The following SS18L1 variants were observed in gnomAD, a reference collection of about 807,000 sequenced individuals.
SS18L1 encodes the protein SS18L1 subunit of BAF chromatin remodeling complex, also known as calcium-responsive transactivator.
Under a neutral mutation model 70.3 loss-of-function variants are expected in SS18L1, and 32 were observed. The observed-to-expected ratio is 0.46, with a 90% CI of 0.34 to 0.61. The LOEUF (loss-of-function observed/expected upper bound fraction) is 0.61. Ranked by LOEUF, SS18L1 falls within the 20% of genes least tolerant of loss-of-function variation. The probability of loss-of-function intolerance (pLI) is 0.01; values close to 1 mark genes in which losing one functional copy is unlikely to be tolerated. For missense variants in SS18L1, 430 were observed against 542.1 expected, an observed-to-expected ratio of 0.79 and a Z score of 2.05; for synonymous variants, 237 against 229.7, an observed-to-expected ratio of 1.03 and a Z score of -0.29.
chr20:62,175,163 C>T (rs1244581694), intron 10 of SS18L1: 11 of 890,702 alleles, frequency 1.2e-5, no homozygotes, highest in African/African-American at 1.8e-5. Flanking sequence ...CTGGCAGCCC[C>T]AGGCTCAGCC....
chr20:62,178,141 C>CTTTTTTTT (rs61157167), intron 10 of SS18L1, among the ~76,000 whole-genome samples: 4 of 97,830 alleles, frequency 4.1e-5, no homozygotes, highest in Non-Finnish European at 5.9e-5. Flanking sequence ...GTGGCTTATT[C>CTTTTTTTT]TTTTTTTTTT....
At position 62,174,792 on chromosome 20, in the gene SS18L1, A is replaced by C; in HGVS notation, c.1164+148A>C. 6.5e-7 allele frequency: 1 copy of C among 1,546,216 alleles called. No homozygotes were observed. The highest frequency in any genetic ancestry group is 8.7e-7 in the Non-Finnish European group (1 of 1,145,276). ...AGAACGTTAAGTCTCTGAGCCTGTA[A>C]GGTTTTGCAGAATTGCCTCTGTGTA... On this transcript the variant is annotated intron_variant, in intron 10 of 10. Transcript: ENST00000331758. The surrounding 1 kb of genome is among the most constrained non-coding windows in gnomAD (Gnocchi z 4.1).
chr20:62,172,318 C>T (rs534931854), intron 8 of SS18L1, among the ~76,000 whole-genome samples: 30 of 147,614 alleles, frequency 2.0e-4, no homozygotes, highest in Admixed American at 1.4e-3. Context: ...CAGAGCGAGG[C>T]CCTGTCTCTG....
chr20:62,154,207 T>TACTGGAAGG (rs1324268910), intron 1 of SS18L1: 1 of 501,548 alleles, frequency 2.0e-6, no homozygotes, highest in Non-Finnish European at 2.6e-6. Context: ...CATTAAGGAT[T>TACTGGAAGG]ACTGGAAGGA....
chr20:62,156,312 C>T (rs959690693), intron 1 of SS18L1, among the ~76,000 whole-genome samples: 3 of 152,218 alleles, frequency 2.0e-5, no homozygotes, highest in African/African-American at 7.2e-5. Context: ...TGCAGTTCAT[C>T]TGAAGGCAGA....
At position 62,158,631 on chromosome 20, in the gene SS18L1, C is replaced by T; in HGVS notation, c.70-41C>T. The stretch of plus-strand genomic sequence containing the variant: ...GGCTGTTCATCCCGAGGGTCAGCGA[C>T]AGCCCCGCGTCGGCAGCGCCCGCTC... On this transcript the variant is annotated intron_variant, in intron 1 of 10. Transcript: ENST00000331758. The surrounding 1 kb of genome is among the most constrained non-coding windows in gnomAD (Gnocchi z 4.5). 6.2e-7 allele frequency: 1 copy of T among 1,604,862 alleles called. No individual in the cohort carries two copies. Among genetic ancestry groups the T allele is most frequent in the Non-Finnish European group, 8.5e-7 (1 of 1,177,536 alleles).
At chr20:62,155,871 C>T (rs975480767) in intron 1 of SS18L1, among the ~76,000 whole-genome samples, 2 of 152,058 alleles carry the variant, frequency 1.3e-5, no homozygotes, top group East Asian at 1.9e-4. Context: ...CCTCCCCATT[C>T]TGTCCTTAGA....
chr20:62,150,633 A>AATTTTTTTTTTTT lies in SS18L1; in HGVS notation c.69+6744_69+6745insATTTTTTTTTTTT, dbSNP rs1199902967. Among the ~76,000 whole-genome samples the AATTTTTTTTTTTT allele has an allele frequency of 1.2e-4, 7 of 58,054 alleles. 1 individual carries two copies. The highest frequency in any genetic ancestry group is 2.2e-4 in the Admixed American group (1 of 4,458). 38.1% of individuals were successfully genotyped at this position (58,054 alleles called of 152,430 possible). ...CGGAGCATAAGAAACATTGAGGTGGATTTTTTTTTTTTTTTTTTTTTTTTT... is the reference window on the plus strand; with the variant it reads ...CGGAGCATAAGAAACATTGAGGTGGAATTTTTTTTTTTTTTTTTTTTTTTTTTTTTTTTTTTTT... On this transcript the variant is annotated intron_variant, in intron 1 of 10. Coordinates refer to ENST00000331758, the MANE Select transcript of SS18L1 (RefSeq NM_198935.3).
At chr20:62,160,583 G>T (rs1325424138) in intron 3 of SS18L1, among the ~76,000 whole-genome samples, 1 of 152,188 alleles carries the variant, frequency 6.6e-6, no homozygotes, top group African/African-American at 2.4e-5. Flanking sequence ...TTTTTAAAAT[G>T]CATTTTTCCA....
intron 6 of SS18L1, 142 bp from the exon 7 acceptor site, chr20:62,164,003 G>A (rs1316408900): frequency 5.8e-6 from 4 of 695,552 alleles, no homozygotes; most frequent in African/African-American, 3.6e-5. Flanking sequence ...CAAAACATAA[G>A]TTGGATACGA....
At chr20:62,176,485 C>T (rs963182528) in intron 10 of SS18L1, among the ~76,000 whole-genome samples, 3 of 151,992 alleles carry the variant, frequency 2.0e-5, no homozygotes, top group Non-Finnish European at 4.4e-5. Flanking sequence ...TACACTCCAG[C>T]CTGGGCTACA....
chr20:62,174,777 GTC>G lies in SS18L1; in HGVS notation c.1164+137_1164+138del. 2 of 1,574,730 alleles carry G rather than the reference GTC, an allele frequency of 1.3e-6. No homozygotes were observed. Among genetic ancestry groups the G allele is most frequent in the Non-Finnish European group, 1.7e-6 (2 of 1,160,502 alleles). ...TCCAGGGTTCCTTCCAGAACGTTAA[GTC>G]TCTGAGCCTGTAAGGTTTTGCAGAA... On this transcript the variant is annotated intron_variant, in intron 10 of 10. Coordinates refer to ENST00000331758, the MANE Select transcript of SS18L1 (RefSeq NM_198935.3). This position sits in a 1 kb window ranked among gnomAD's most constrained non-coding sequence, Gnocchi z 4.1.
chr20:62,170,676 C>A (rs944114508), intron 8 of SS18L1, among the ~76,000 whole-genome samples: 10 of 152,226 alleles, frequency 6.6e-5, no homozygotes, highest in Non-Finnish European at 1.5e-4. Context: ...TGTCGTGCCC[C>A]CTTTCCCTGC....
At position 62,163,457 on chromosome 20, in the gene SS18L1, G is replaced by A. The variant is rs2057369194; in HGVS notation, c.557-1G>A. 1.2e-6 allele frequency: 2 copies of A among 1,612,170 alleles called. No homozygotes were observed. The highest frequency in any genetic ancestry group is 1.7e-6 in the Non-Finnish European group (2 of 1,179,856). On this transcript the variant is annotated splice_acceptor_variant, in intron 5 of 10. Coordinates refer to ENST00000331758, the MANE Select transcript of SS18L1 (RefSeq NM_198935.3). LOFTEE classifies it high-confidence loss of function. Reference sequence around the variant, plus strand: ...TGTGGGGCCTCTGTCCTGTCGTTCAGTCTCCATGATGCAGCAGCAGGCGGC... The same window carrying A: ...TGTGGGGCCTCTGTCCTGTCGTTCAATCTCCATGATGCAGCAGCAGGCGGC...
intron 10 of SS18L1, among the ~76,000 whole-genome samples, chr20:62,177,697 C>T (rs972248518): frequency 1.3e-5 from 2 of 152,164 alleles, no homozygotes; most frequent in Admixed American, 6.5e-5. Context: ...GGGGCACAGG[C>T]TCTCTAGTTT....
At position 62,180,946 on chromosome 20, in the gene SS18L1, CAG is replaced by C. The variant is rs1321243456; in HGVS notation, c.*1741_*1742del. ...AATAAGTTAAAATTAATTCTTTATC[CAG>C]AGTCGGGTGCTTTAGAATTTATAAG... is the stretch of plus-strand genomic sequence containing the variant. On this transcript the variant is annotated 3_prime_UTR_variant, in exon 11 of 11. Coordinates refer to ENST00000331758, the MANE Select transcript of SS18L1 (RefSeq NM_198935.3). 1.1e-5 allele frequency: 2 copies of C among 178,648 alleles called. No individual in the cohort carries two copies. The highest frequency in any genetic ancestry group is 2.4e-5 in the Non-Finnish European group (2 of 83,472). The allele number at this position is 178,648 out of a possible 1,614,324, so 11.1% of individuals were successfully genotyped here.
At chr20:62,171,738 G>A (rs548290668) in intron 8 of SS18L1, among the ~76,000 whole-genome samples, 67 of 152,332 alleles carry the variant, frequency 4.4e-4, no homozygotes, top group African/African-American at 1.5e-3. Context: ...GATTCTTTGC[G>A]CAGAGCATGG....
chr20:62,145,537 C>T (rs1219213857), intron 1 of SS18L1, among the ~76,000 whole-genome samples: 1 of 152,214 alleles, frequency 6.6e-6, no homozygotes, highest in Non-Finnish European at 1.5e-5. Flanking sequence ...CCTTTGGCTG[C>T]AACGTTTATC....
At position 62,174,808 on chromosome 20, in the gene SS18L1, C is replaced by T. The variant is rs567715489; in HGVS notation, c.1164+164C>T. 3.9e-6 allele frequency: 6 copies of T among 1,524,490 alleles called. No homozygotes were observed. In the East Asian group the frequency reaches 9.9e-5, roughly 25 times the overall value. 94.4% of individuals were successfully genotyped at this position (1,524,490 alleles called of 1,614,324 possible). Reference sequence around the variant, plus strand: ...GAGCCTGTAAGGTTTTGCAGAATTGCCTCTGTGTATACGCTCACCTCAGTC... The same window carrying T: ...GAGCCTGTAAGGTTTTGCAGAATTGTCTCTGTGTATACGCTCACCTCAGTC... On this transcript the variant is annotated intron_variant, in intron 10 of 10. Coordinates refer to ENST00000331758, the MANE Select transcript of SS18L1 (RefSeq NM_198935.3). The surrounding 1 kb of genome is among the most constrained non-coding windows in gnomAD (Gnocchi z 4.1).
Sources: gnomAD v4.1 joint callset for allele counts (sites outside exome capture counted in the v4.1 genomes callset) on GRCh38, gnomAD v4.1.1 for gene constraint, Gnocchi (gnomAD v3.1) non-coding constraint, MANE v1.5 for transcripts, NCBI Gene and HGNC (gene_info 2026-07-23, HGNC 2026-07-21) for gene names.